Variants in FRMPD4 observed in about 807,000 individuals in gnomAD.
FRMPD4 encodes the protein FERM and PDZ domain-containing protein 4.
FRMPD4 carries 22 observed loss-of-function variants against 94.1 expected under a neutral mutation model. That is an observed-to-expected ratio of 0.23 (90% CI 0.17 to 0.33). FRMPD4 has a LOEUF of 0.33. Among genes scored for constraint, FRMPD4 ranks in the 10% least tolerant of loss-of-function variants. The pLI, the probability that FRMPD4 is intolerant of heterozygous loss-of-function variation, is 1.00. For synonymous variants in FRMPD4, 631 were observed against 548.6 expected (o/e 1.15, Z -2.10); for missense variants, 1,111 against 1,339.9 (o/e 0.83, Z 2.67).
chrX:12,559,248 G>A (rs982566789), intron 2 of FRMPD4, among the ~76,000 whole-genome samples: 2 of 112,449 alleles, frequency 1.8e-5, no homozygotes, highest in African/African-American at 6.5e-5. Context: ...ATTGTAGAAA[G>A]GATTAGGTCA....
chrX:11,922,140 T>C (rs989297305), intron 3 of FRMPD4, among the ~76,000 whole-genome samples: 14 of 108,194 alleles, frequency 1.3e-4, no homozygotes, highest in Middle Eastern at 4.3e-3. Context: ...CATCTGAGAC[T>C]GGGTAAGTTA....
intron 1 of FRMPD4, among the ~76,000 whole-genome samples, chrX:11,824,344 G>A (rs763300678): frequency 1.8e-5 from 2 of 111,594 alleles, no homozygotes; most frequent in South Asian, 3.8e-4. Flanking sequence ...TTGAAATATC[G>A]GAGCCATTAG....
chrX:12,542,042 C>T (rs146641185), intron 2 of FRMPD4, among the ~76,000 whole-genome samples: 6,446 of 111,825 alleles, frequency 0.058, 190 homozygotes, highest in Middle Eastern at 0.17. Flanking sequence ...ATTCAACAGC[C>T]CTTCATGCTA....
At chrX:12,236,130 T>G (rs1360218789) in intron 1 of FRMPD4, among the ~76,000 whole-genome samples, 1 of 112,045 alleles carries the variant, frequency 8.9e-6, no homozygotes, top group Non-Finnish European at 1.9e-5. Context: ...GAAAGAGAGC[T>G]TAACTAGGAC....
At chrX:12,079,036 A>G (rs2055042068) in intron 3 of FRMPD4, among the ~76,000 whole-genome samples, 1 of 111,374 alleles carries the variant, frequency 9.0e-6, no homozygotes, top group Non-Finnish European at 1.9e-5. Context: ...CACAGCTGTG[A>G]GTCTCCCACT....
chrX:12,150,140 C>T (rs1265729195), intron 1 of FRMPD4, among the ~76,000 whole-genome samples: 1 of 112,268 alleles, frequency 8.9e-6, no homozygotes, highest in Non-Finnish European at 1.9e-5. Flanking sequence ...AGCTTTATTG[C>T]AGTAGTCTGG....
chrX:11,848,437 T>C (rs1029658302), intron 1 of FRMPD4, among the ~76,000 whole-genome samples: 1 of 111,668 alleles, frequency 9.0e-6, no homozygotes, highest in Non-Finnish European at 1.9e-5. Flanking sequence ...GTAGGGTTTC[T>C]ACTGTCTGCT....
intron 1 of FRMPD4, among the ~76,000 whole-genome samples, chrX:11,848,896 G>A (rs5978469): frequency 9.0e-6 from 1 of 110,518 alleles, no homozygotes; most frequent in Non-Finnish European, 1.9e-5. Flanking sequence ...AGATCAGGAA[G>A]AAGAGAAGGA....
chrX:12,317,585 C>CAAAAAAAAAAAAA (rs376884335), intron 1 of FRMPD4, among the ~76,000 whole-genome samples: 34 of 42,383 alleles, frequency 8.0e-4, no homozygotes, highest in African/African-American at 1.4e-3. Flanking sequence ...AACTAAATAG[C>CAAAAAAAAAAAAA]AAAAAAAAAA....
chrX:12,716,134 A>G lies in FRMPD4; in HGVS notation c.1675A>G (p.Thr559Ala). The G allele has an allele frequency of 8.3e-7, 1 of 1,206,998 alleles. No homozygotes were observed. The highest frequency in any genetic ancestry group is 1.1e-6 in the Non-Finnish European group (1 of 892,276). ...TTGGAACTGTATACCCCAAATGACC[A>G]CCTTTATTGGCGAAGGGGAACAAGA... Reference protein sequence around the residue: ...PDWNCIPQMTTFIGEGEQEAQ... With the variant: ...PDWNCIPQMTAFIGEGEQEAQ... The change falls in exon 15 of 17, where the codon ACC (threonine) becomes GCC (alanine). Residue 559 changes from threonine to alanine, a missense_variant. Coordinates refer to ENST00000675598, the MANE Select transcript of FRMPD4 (RefSeq NM_001368397.1).
chrX:12,072,276 G>A lies in FRMPD4; in HGVS notation c.95+194258G>A, dbSNP rs182122600. 5.4e-5 allele frequency among the ~76,000 whole-genome samples: 6 copies of A among 111,818 alleles called. 1 individual carries two copies. In the South Asian group the frequency reaches 1.1e-3, roughly 21 times the overall value. On this transcript the variant is annotated intron_variant, in intron 3 of 18. Transcript: ENST00000640291. ...AAAATGAAGCTGTTTTTAATTCATC[G>A]TGTCTGGGAAATTCACACTGTTTAT...
chrX:12,372,159 T>A (rs2056171607), intron 1 of FRMPD4, among the ~76,000 whole-genome samples: 1 of 112,489 alleles, frequency 8.9e-6, no homozygotes, highest in South Asian at 3.7e-4. Context: ...AAGTCTGGGC[T>A]CCATCAGTGT....
intron 2 of FRMPD4, among the ~76,000 whole-genome samples, chrX:11,876,208 T>C (rs1234619438): frequency 1.8e-5 from 2 of 111,462 alleles, no homozygotes; most frequent in Non-Finnish European, 3.8e-5. Context: ...TTTCTCCCTC[T>C]GGCGTGCCAT....
rs755981173 is a variant in FRMPD4 at position 12,447,129 on chromosome X, T to A, written c.42-51551T>A. Among the ~76,000 whole-genome samples the A allele has an allele frequency of 6.3e-5, 7 of 111,338 alleles. No individual in the cohort carries two copies. The East Asian group carries it at 1.7e-3, about 27-fold the overall frequency. On this transcript the variant is annotated intron_variant, in intron 1 of 16. Coordinates refer to ENST00000675598, the MANE Select transcript of FRMPD4 (RefSeq NM_001368397.1). ...GCTCCTGTGGTTCCAAATGACGAAA[T>A]TAATACCCCAGTCCTAAATCAGTGA... is the stretch of plus-strand genomic sequence containing the variant.
intron 1 of FRMPD4, among the ~76,000 whole-genome samples, chrX:12,262,994 G>T (rs1022495858): frequency 9.0e-6 from 1 of 111,728 alleles, no homozygotes; most frequent in Admixed American, 9.5e-5. Context: ...CAGAGTCTGG[G>T]CTTCAGCTTT....
intron 1 of FRMPD4, among the ~76,000 whole-genome samples, chrX:12,256,917 G>A (rs2054122208): frequency 9.0e-6 from 1 of 111,677 alleles, no homozygotes; most frequent in Non-Finnish European, 1.9e-5. Context: ...TTCTACTACT[G>A]TTGATAAAAA....
chrX:12,632,360 C>T (rs976963433), intron 4 of FRMPD4, among the ~76,000 whole-genome samples: 11 of 111,675 alleles, frequency 9.9e-5, no homozygotes, highest in African/African-American at 3.6e-4. Flanking sequence ...ACAAGTCTGT[C>T]CTTCAATGGA....
Position 12,385,375 on chromosome X carries a change from T to A in FRMPD4, c.42-113305T>A, listed in dbSNP as rs749712631. ...CTAAGAAATTCTGTGTTTCCCATCG[T>A]GTCTATGCAACGGAACCTTAGAGCA... is the stretch of plus-strand genomic sequence containing the variant. On this transcript the variant is annotated intron_variant, in intron 1 of 16. Transcript: ENST00000675598. Among the ~76,000 whole-genome samples the A allele has an allele frequency of 5.3e-5, 6 of 112,425 alleles. No individual in the cohort carries two copies. The East Asian group carries it at 1.7e-3, about 31-fold the overall frequency.
At chrX:12,173,725 G>C (rs1225807504) in intron 1 of FRMPD4, among the ~76,000 whole-genome samples, 2 of 111,315 alleles carry the variant, frequency 1.8e-5, no homozygotes, top group African/African-American at 6.5e-5. Flanking sequence ...TGTCCTGACT[G>C]CTGCTGAGAT....
Sources: allele counts gnomAD v4.1 joint callset (sites outside exome capture counted in the v4.1 genomes callset), GRCh38; gene constraint gnomAD v4.1.1; transcripts MANE v1.5; gene names NCBI Gene and HGNC (gene_info 2026-07-23, HGNC 2026-07-21).